The following PLXDC2 variants were observed in gnomAD, a reference collection of about 807,000 sequenced individuals.
The protein encoded by PLXDC2 is plexin domain-containing protein 2.
Under a neutral mutation model 68.9 loss-of-function variants are expected in PLXDC2, and 40 were observed. That is an observed-to-expected ratio of 0.58 (90% confidence interval 0.45 to 0.76). The LOEUF is 0.76. PLXDC2 is among the 30% of genes least tolerant of loss of function. The probability of loss-of-function intolerance (pLI) is 0.00; values close to 1 mark genes in which losing one functional copy is unlikely to be tolerated. For synonymous variants in PLXDC2, 243 were observed against 234.2 expected, an observed-to-expected ratio of 1.04 and a Z score of -0.34; for missense variants, 644 against 661.9, an observed-to-expected ratio of 0.97 and a Z score of 0.30.
In PLXDC2 at chr10:20,217,465, ACTT is replaced by A. The variant is rs769704377; in HGVS notation, c.1168_1170del (p.Ser390del). The A allele has an allele frequency of 1.7e-5, 27 of 1,612,912 alleles. No individual in the cohort carries two copies. In the East Asian group the frequency reaches 4.2e-4, roughly 25 times the overall value. On this transcript the variant is annotated inframe_deletion, in exon 11 of 14. Transcript: ENST00000377252. ...GTGTGAGAATACAGAACCAGTGGAA[ACTT>A]CTTCTCGAACCACCACAACCGTAGG...
At chr10:19,866,388 A>G (rs1227464435) in intron 1 of PLXDC2, among the ~76,000 whole-genome samples, 3 of 152,132 alleles carry the variant, frequency 2.0e-5, no homozygotes, top group East Asian at 1.9e-4. Context: ...CTAAGCCGGC[A>G]AAGTTGCATT....
chr10:19,998,949 G>C (rs545933050), intron 1 of PLXDC2, among the ~76,000 whole-genome samples: 29 of 152,280 alleles, frequency 1.9e-4, no homozygotes, highest in Admixed American at 2.6e-4. Flanking sequence ...TGAATGTTCA[G>C]TACAAAAACA....
chr10:19,965,464 T>G (rs1252881928), intron 1 of PLXDC2, among the ~76,000 whole-genome samples: 1 of 152,172 alleles, frequency 6.6e-6, no homozygotes, highest in Admixed American at 6.5e-5. Flanking sequence ...AAATCACCTT[T>G]TAATATAACT....
chr10:20,267,146 G>A (rs561065419), intron 13 of PLXDC2, among the ~76,000 whole-genome samples: 1 of 152,230 alleles, frequency 6.6e-6, no homozygotes, highest in East Asian at 1.9e-4. Flanking sequence ...TATTAGAAAT[G>A]TTTTAGTTGA....
intron 1 of PLXDC2, among the ~76,000 whole-genome samples, chr10:19,937,344 G>T (rs551109704): frequency 3.3e-5 from 5 of 151,822 alleles, no homozygotes; most frequent in African/African-American, 1.2e-4. Flanking sequence ...CAGGGTTTTG[G>T]TCTCTGCAGA....
chr10:19,875,772 T>C (rs903554371), intron 1 of PLXDC2, among the ~76,000 whole-genome samples: 1 of 152,230 alleles, frequency 6.6e-6, no homozygotes, highest in Non-Finnish European at 1.5e-5. Context: ...TTCAACTGTC[T>C]ATTTTCCTTT....
At chr10:20,098,346 C>CGTGTGTGTGT (rs762519549) in intron 4 of PLXDC2, among the ~76,000 whole-genome samples, 3,277 of 103,016 alleles carry the variant, frequency 0.032, 63 homozygotes, top group African/African-American at 0.048. Flanking sequence ...CATTTTCGTG[C>CGTGTGTGTGT]GTGTGTGTGT....
At chr10:20,119,379 C>A (rs1043044502) in intron 4 of PLXDC2, among the ~76,000 whole-genome samples, 1 of 147,530 alleles carries the variant, frequency 6.8e-6, no homozygotes, top group African/African-American at 2.5e-5. Context: ...TGTTCTCTGG[C>A]GGGCAGGAGT....
At chr10:19,932,568 G>A (rs1259363607) in intron 1 of PLXDC2, among the ~76,000 whole-genome samples, 1 of 151,884 alleles carries the variant, frequency 6.6e-6, no homozygotes, top group African/African-American at 2.4e-5. Flanking sequence ...TCTCACTTTG[G>A]GATTATGTTT....
chr10:20,219,222 CG>C (rs1835179665), intron 12 of PLXDC2, 120 bp downstream of exon 12: 1 of 1,058,944 alleles, frequency 9.4e-7, no homozygotes, highest in African/African-American at 1.7e-5. Flanking sequence ...TTTTATTCTC[CG>C]TTGGGATTTA....
At chr10:20,107,094 A>G (rs1038157395) in intron 4 of PLXDC2, among the ~76,000 whole-genome samples, 2 of 148,652 alleles carry the variant, frequency 1.3e-5, no homozygotes, top group African/African-American at 4.9e-5. Flanking sequence ...TATACACTAT[A>G]TATATACTAT....
intron 6 of PLXDC2, among the ~76,000 whole-genome samples, chr10:20,155,383 A>T (rs922429090): frequency 1.3e-5 from 2 of 152,230 alleles, no homozygotes; most frequent in African/African-American, 4.8e-5. Context: ...TCCTTCTATA[A>T]CTATTGCTAC....
chr10:19,991,170 T>C (rs950858023), intron 1 of PLXDC2, among the ~76,000 whole-genome samples: 2 of 150,604 alleles, frequency 1.3e-5, no homozygotes, highest in Non-Finnish European at 3.0e-5. Context: ...TGCTTGAACC[T>C]GGGAGGCAGA....
At chr10:20,079,935 G>T (rs1344970693) in intron 4 of PLXDC2, among the ~76,000 whole-genome samples, 1 of 151,704 alleles carries the variant, frequency 6.6e-6, no homozygotes, top group Non-Finnish European at 1.5e-5. Context: ...ATGTATTCCA[G>T]AACTTAAATT....
intron 1 of PLXDC2, among the ~76,000 whole-genome samples, chr10:20,000,595 C>T (rs1223174847): frequency 1.3e-5 from 2 of 152,102 alleles, no homozygotes; most frequent in African/African-American, 4.8e-5. Flanking sequence ...ATAATATCCT[C>T]TCTGTCTAGA....
At chr10:20,041,748 G>A (rs73603693) in intron 2 of PLXDC2, among the ~76,000 whole-genome samples, 12,867 of 152,078 alleles carry the variant, frequency 0.085, 1,150 homozygotes, top group African/African-American at 0.22. Flanking sequence ...CTGGCAGGTA[G>A]AGGTCTCAAA....
chr10:19,871,460 C>CTTT (rs1466753320), intron 1 of PLXDC2, among the ~76,000 whole-genome samples: 1 of 152,154 alleles, frequency 6.6e-6, no homozygotes, highest in Non-Finnish European at 1.5e-5. Context: ...ATTCTTTGAG[C>CTTT]TAAAAGTCCT....
chr10:20,041,440 G>A (rs1308665937), intron 2 of PLXDC2, among the ~76,000 whole-genome samples: 1 of 152,022 alleles, frequency 6.6e-6, no homozygotes, highest in Non-Finnish European at 1.5e-5. Context: ...TATCTTTCTA[G>A]AGGCCTATAA....
chr10:19,981,740 C>T (rs1391623277), intron 1 of PLXDC2, among the ~76,000 whole-genome samples: 1 of 152,176 alleles, frequency 6.6e-6, no homozygotes, highest in Non-Finnish European at 1.5e-5. Context: ...CTTTGTAAAT[C>T]TTATCGATCA....
Sources: gnomAD v4.1 joint callset for allele counts (sites outside exome capture counted in the v4.1 genomes callset) on GRCh38, gnomAD v4.1.1 for gene constraint, MANE v1.5 for transcripts, NCBI Gene and HGNC (gene_info 2026-07-23, HGNC 2026-07-21) for gene names.